Variants in NONO observed in about 807,000 individuals in gnomAD.
The protein encoded by NONO is non-POU domain-containing octamer-binding protein.
A neutral mutation model predicts 40.2 loss-of-function variants in NONO; 6 were observed. The observed-to-expected ratio is 0.15, with a 90% CI of 0.08 to 0.29. The LOEUF (loss-of-function observed/expected upper bound fraction) is 0.29, where lower values mean the gene tolerates loss of function less well. NONO is among the 10% of genes least tolerant of loss of function. The pLI is 1.00. For missense variants in NONO, 133 were observed against 397.8 expected, an observed-to-expected ratio of 0.33 and a Z score of 5.66; for synonymous variants, 89 against 123.3, an observed-to-expected ratio of 0.72 and a Z score of 1.85.
chrX:71,294,621 T>A (rs1190875677), intron 5 of NONO, 93 bp downstream of exon 5: 4 of 917,431 alleles, frequency 4.4e-6, no homozygotes, highest in Non-Finnish European at 5.9e-6. Context: ...TTTCTATGTT[T>A]AAAGACTTTT....
Position 71,297,066 on chromosome X carries a change from GTCTTAA to G in NONO, c.943+20_943+25del, listed in dbSNP as rs773039963. On this transcript the variant is annotated intron_variant, in intron 7 of 11. Transcript: ENST00000276079. ...AGACAGGGTGAGTCTAGGCCTGTAA[GTCTTAA>G]AGCTGAAAGGACAAAATGACATTTT... 8.8e-7 allele frequency: 1 copy of G among 1,139,631 alleles called. No individual in the cohort carries two copies. Among genetic ancestry groups the G allele is most frequent in the Non-Finnish European group, 1.2e-6 (1 of 853,137 alleles). The allele number at this position is 1,139,631 out of a possible 1,213,427, so 93.9% of individuals were successfully genotyped here.
chrX:71,299,637 C>CA (rs1459985491), intron 11 of NONO, among the ~76,000 whole-genome samples: 10 of 111,283 alleles, frequency 9.0e-5, no homozygotes, highest in Non-Finnish European at 1.9e-4. Flanking sequence ...CTTTTTGAGA[C>CA]AGAGTTTTGC....
At chrX:71,290,837 A>G in intron 3 of NONO, 46 bp downstream of exon 3, 2 of 1,090,606 alleles carry the variant, frequency 1.8e-6, no homozygotes, top group Non-Finnish European at 2.4e-6. Context: ...TCCCTCTGGG[A>G]ATGGTTTCTT....
At chrX:71,295,969 G>GC (rs1195468158) in intron 5 of NONO, among the ~76,000 whole-genome samples, 5 of 110,657 alleles carry the variant, frequency 4.5e-5, no homozygotes, top group Non-Finnish European at 7.6e-5. Flanking sequence ...GTTGATTTGT[G>GC]CCTGCAGTAT....
intron 1 of NONO, 136 bp downstream of exon 1, chrX:71,283,857 C>T (rs2031127402): frequency 8.9e-6 from 1 of 112,091 alleles, no homozygotes; most frequent in African/African-American, 3.2e-5. Context: ...GGCCTTGTCT[C>T]TGCCGCCACA....
intron 2 of NONO, chrX:71,284,909 C>G (rs1258970352): frequency 8.9e-6 from 1 of 112,454 alleles, no homozygotes; most frequent in East Asian, 2.8e-4. Context: ...AATTCTTCAT[C>G]AGGATTATTA....
chrX:71,287,692 C>G (rs2031221578), intron 2 of NONO, among the ~76,000 whole-genome samples: 1 of 108,496 alleles, frequency 9.2e-6, no homozygotes, highest in Non-Finnish European at 1.9e-5. Context: ...ATTTTTTTCT[C>G]TATTTTTTTT....
Position 71,298,461 on chromosome X carries a change from T to C in NONO, c.1132-8T>C, listed in dbSNP as rs1304347116. 7 of 1,209,033 alleles carry C rather than the reference T, an allele frequency of 5.8e-6. No homozygotes were observed. The highest frequency in any genetic ancestry group is 7.8e-6 in the Non-Finnish European group (7 of 893,046). Reference sequence around the variant, plus strand: ...CTTGGACTGTCTTGAGTATTTTTTGTTTTTCAGAGAGAGCAGGAGATTCGG... The same window carrying C: ...CTTGGACTGTCTTGAGTATTTTTTGCTTTTCAGAGAGAGCAGGAGATTCGG... On this transcript the variant is annotated splice_region_variant and splice_polypyrimidine_tract_variant and intron_variant, in intron 9 of 11. Transcript: ENST00000276079.
chrX:71,294,551 C>T (rs1048632435), intron 5 of NONO, 23 bp downstream of exon 5: 3 of 1,171,040 alleles, frequency 2.6e-6, no homozygotes, highest in Non-Finnish European at 3.5e-6. Flanking sequence ...CATTTTCAGA[C>T]GTAGACCTTA....
At chrX:71,296,808 GTAATTCTGGA>G in intron 6 of NONO, 33 bp from the exon 7 acceptor site, 1 of 1,154,981 alleles carries the variant, frequency 8.7e-7, no homozygotes, top group Non-Finnish European at 1.2e-6. Context: ...CTTAGCTGGG[GTAATTCTGGA>G]CAAAGTTAGT....
At chrX:71,289,323 G>C (rs2031271638) in intron 2 of NONO, among the ~76,000 whole-genome samples, 1 of 110,766 alleles carries the variant, frequency 9.0e-6, no homozygotes, top group East Asian at 2.8e-4. Flanking sequence ...ACAGAGTCTA[G>C]CTCTGTTGCC....
intron 2 of NONO, among the ~76,000 whole-genome samples, chrX:71,287,865 CT>C (rs748090354): frequency 0.011 from 972 of 87,261 alleles, 10 homozygotes; most frequent in African/African-American, 0.03. Context: ...CCCCCCTACC[CT>C]TTTTTTTTTT....
At chrX:71,292,426 G>C (rs1196503186) in intron 4 of NONO, 1 of 111,534 alleles carries the variant, frequency 9.0e-6, no homozygotes, top group Non-Finnish European at 1.9e-5. Flanking sequence ...TCGAGCTCCT[G>C]ACCTCAGGAG....
intron 11 of NONO, among the ~76,000 whole-genome samples, chrX:71,299,122 A>G (rs1342179409): frequency 8.9e-6 from 1 of 111,808 alleles, no homozygotes; most frequent in Admixed American, 9.5e-5. Context: ...GGGTTACACC[A>G]TGTTGGCCAG....
intron 4 of NONO, 80 bp downstream of exon 4, chrX:71,292,052 T>G (rs2031337579): frequency 3.0e-6 from 2 of 672,216 alleles, no homozygotes; most frequent in Non-Finnish European, 4.3e-6. Flanking sequence ...AAATAGGCAG[T>G]GGAAATAATT....
chrX:71,291,828 G>C lies in NONO; in HGVS notation c.204G>C (p.Lys68Asn). The C allele has an allele frequency of 8.3e-7, 1 of 1,202,944 alleles. No individual in the cohort carries two copies. The highest frequency in any genetic ancestry group is 1.1e-6 in the Non-Finnish European group (1 of 891,953). Residue 68 changes from lysine to asparagine, a missense_variant, in exon 4 of 12, where the codon AAG becomes AAC. Transcript: ENST00000276079. ...AGAATTTTAGAAAACCAGGAGAGAA[G>C]ACCTTCACCCAACGAAGCCGTCTTT... Reference protein sequence around the residue: ...DLKNFRKPGEKTFTQRSRLFV... With the variant: ...DLKNFRKPGENTFTQRSRLFV...
At position 71,300,388 on chromosome X, in the gene NONO, T is replaced by G. The variant is rs1387768741; in HGVS notation, c.*312T>G. 8.6e-5 allele frequency: 11 copies of G among 127,964 alleles called. No individual in the cohort carries two copies. The East Asian group carries it at 1.5e-3, about 18-fold the overall frequency. 10.5% of individuals were successfully genotyped at this position (127,964 alleles called of 1,213,427 possible). On this transcript the variant is annotated 3_prime_UTR_variant, in exon 12 of 12. Transcript: ENST00000276079. ...AGCCCATTAATCTTGATCATTCCGG[T>G]TTTTTTTTTTTTTGTCCATCTTGTT...
chrX:71,296,001 C>T lies in NONO; in HGVS notation c.651-564C>T, dbSNP rs960175670. Among the ~76,000 whole-genome samples the T allele has an allele frequency of 1.6e-4, 18 of 111,226 alleles. No homozygotes were observed. In the South Asian group the frequency reaches 4.5e-3, roughly 28 times the overall value. On this transcript the variant is annotated intron_variant, in intron 5 of 11. Coordinates refer to ENST00000276079, the MANE Select transcript of NONO (RefSeq NM_007363.5). ...GTATCTCTTAGTGTTTACCACAAGT[C>T]ATTTCTCAGAGTGTCTGTAGATGTT...
chrX:71,292,441 A>AC (rs2031347886), intron 4 of NONO: 1 of 111,732 alleles, frequency 8.9e-6, no homozygotes, highest in African/African-American at 3.3e-5. Flanking sequence ...CAGGAGATCC[A>AC]CCCACCTTGG....
Sources: allele counts gnomAD v4.1 joint callset (sites outside exome capture counted in the v4.1 genomes callset), GRCh38; gene constraint gnomAD v4.1.1; transcripts MANE v1.5; gene names NCBI Gene and HGNC (gene_info 2026-07-23, HGNC 2026-07-21).